Variants in CACNA2D1 observed in about 807,000 individuals in gnomAD.
The protein encoded by CACNA2D1 is voltage-dependent calcium channel subunit alpha-2/delta-1.
Under a neutral mutation model 171.5 loss-of-function variants are expected in CACNA2D1, and 53 were observed. The ratio of observed to expected loss-of-function variants is 0.31; its 90% CI spans 0.25 to 0.39. The LOEUF (loss-of-function observed/expected upper bound fraction) is 0.39. CACNA2D1 is among the 10% of genes least tolerant of loss of function. The pLI is 1.00. For missense variants in CACNA2D1, 903 were observed against 1,299.8 expected (o/e 0.69, Z 4.69); for synonymous variants, 442 against 443.1 (o/e 1.00, Z 0.03).
intron 4 of CACNA2D1, among the ~76,000 whole-genome samples, chr7:82,157,781 T>C (rs1462247368): frequency 2.0e-5 from 3 of 152,062 alleles, no homozygotes; most frequent in Admixed American, 2.0e-4. Context: ...CTCCTGAGTG[T>C]AACTAATGCT....
At chr7:82,134,733 T>C (rs1365222834) in intron 5 of CACNA2D1, among the ~76,000 whole-genome samples, 2 of 152,134 alleles carry the variant, frequency 1.3e-5, no homozygotes, top group East Asian at 3.9e-4. Context: ...GTTTAATAAG[T>C]TCACTTACAC....
At chr7:82,173,354 T>TGAAGTTATGTATACCAAA (rs1348048911) in intron 3 of CACNA2D1, among the ~76,000 whole-genome samples, 1 of 152,054 alleles carries the variant, frequency 6.6e-6, no homozygotes, top group Non-Finnish European at 1.5e-5. Flanking sequence ...AATAAAGGCA[T>TGAAGTTATGTATACCAAA]GAAGTTATGT....
chr7:82,081,772 C>T (rs760985261), intron 7 of CACNA2D1, among the ~76,000 whole-genome samples: 8 of 152,210 alleles, frequency 5.3e-5, no homozygotes, highest in Non-Finnish European at 1.5e-5. Flanking sequence ...ACCCCATCTA[C>T]TGTGCCTGCT....
At chr7:82,080,394 T>C (rs1275491172) in intron 7 of CACNA2D1, among the ~76,000 whole-genome samples, 3 of 152,134 alleles carry the variant, frequency 2.0e-5, no homozygotes, top group African/African-American at 7.2e-5. Flanking sequence ...TAAAATTCTA[T>C]ATATCTGGAC....
At chr7:82,030,105 G>A (rs1802491387) in intron 12 of CACNA2D1, 1 of 151,696 alleles carries the variant, frequency 6.6e-6, no homozygotes, top group Non-Finnish European at 1.5e-5. Flanking sequence ...GTCATGAAAT[G>A]CAACCTTTGT....
intron 5 of CACNA2D1, among the ~76,000 whole-genome samples, chr7:82,121,410 C>T (rs552089434): frequency 1.3e-5 from 2 of 152,086 alleles, no homozygotes; most frequent in African/African-American, 4.8e-5. Context: ...GAAGACTCAA[C>T]AGAATTGCAG....
chr7:82,142,953 T>G (rs969848305), intron 4 of CACNA2D1, among the ~76,000 whole-genome samples: 2 of 152,176 alleles, frequency 1.3e-5, no homozygotes, highest in East Asian at 1.9e-4. Flanking sequence ...CATTATCAAC[T>G]GTTGTACCTG....
chr7:82,035,674 T>C (rs1234139530), intron 11 of CACNA2D1, among the ~76,000 whole-genome samples: 1 of 152,036 alleles, frequency 6.6e-6, no homozygotes, highest in Admixed American at 6.5e-5. Flanking sequence ...TCCTGATCAT[T>C]TCACAACTGA....
intron 1 of CACNA2D1, among the ~76,000 whole-genome samples, chr7:82,393,929 C>G (rs1825488631): frequency 6.6e-6 from 1 of 152,026 alleles, no homozygotes; most frequent in Non-Finnish European, 1.5e-5. Flanking sequence ...CAGCAACAAC[C>G]CTTTGTTGAA....
At chr7:81,978,179 C>T (rs546882991) in intron 24 of CACNA2D1, among the ~76,000 whole-genome samples, 7 of 152,218 alleles carry the variant, frequency 4.6e-5, no homozygotes, top group African/African-American at 1.4e-4. Context: ...GACAGTGTGG[C>T]GATTCCTCAA....
intron 4 of CACNA2D1, among the ~76,000 whole-genome samples, chr7:82,137,637 C>T (rs542734203): frequency 6.8e-6 from 1 of 147,254 alleles, no homozygotes; most frequent in East Asian, 2.0e-4. Flanking sequence ...TTCGGGAGGC[C>T]GAGGTGGGTG....
At chr7:82,224,093 T>C (rs1802079624) in intron 3 of CACNA2D1, among the ~76,000 whole-genome samples, 1 of 152,082 alleles carries the variant, frequency 6.6e-6, no homozygotes, top group African/African-American at 2.4e-5. Flanking sequence ...TCAGCCTCAT[T>C]CCAGTCACTA....
intron 3 of CACNA2D1, among the ~76,000 whole-genome samples, chr7:82,322,241 C>T (rs1381490797): frequency 6.6e-6 from 1 of 151,110 alleles, no homozygotes; most frequent in Non-Finnish European, 1.5e-5. Context: ...ACTCCCTTGC[C>T]TTGGTGGCTT....
At chr7:82,059,258 A>C (rs1033668908) in intron 10 of CACNA2D1, among the ~76,000 whole-genome samples, 1 of 152,170 alleles carries the variant, frequency 6.6e-6, no homozygotes, top group Non-Finnish European at 1.5e-5. Context: ...TATTTTGCCT[A>C]AATTCTATGA....
At chr7:81,951,969 G>GGTTTTT (rs1554321624) in intron 38 of CACNA2D1, among the ~76,000 whole-genome samples, 1 of 71,906 alleles carries the variant, frequency 1.4e-5, no homozygotes, top group South Asian at 6.4e-4. Context: ...TGTACAAAGT[G>GGTTTTT]TTTTTTTTTT....
chr7:82,208,873 A>G (rs1477977334), intron 3 of CACNA2D1, among the ~76,000 whole-genome samples: 1 of 152,220 alleles, frequency 6.6e-6, no homozygotes, highest in Non-Finnish European at 1.5e-5. Flanking sequence ...GGTAATACAT[A>G]TCTTAACTAG....
chr7:82,073,462 G>C (rs145705823), intron 7 of CACNA2D1, among the ~76,000 whole-genome samples: 1 of 151,954 alleles, frequency 6.6e-6, no homozygotes, highest in Non-Finnish European at 1.5e-5. Context: ...TTTTTAAAAT[G>C]GCATATGCAA....
intron 1 of CACNA2D1, among the ~76,000 whole-genome samples, chr7:82,376,378 G>A (rs1823019378): frequency 1.3e-5 from 2 of 152,122 alleles, no homozygotes; most frequent in South Asian, 4.1e-4. Flanking sequence ...CATGATTTTA[G>A]ATATTGTCCT....
chr7:82,150,315 ACTT>A (rs1224391752), intron 4 of CACNA2D1, among the ~76,000 whole-genome samples: 22 of 133,896 alleles, frequency 1.6e-4, no homozygotes, highest in Admixed American at 5.4e-4. Flanking sequence ...GGGTTCATCT[ACTT>A]TTTTTTTCCC....
Sources: allele counts gnomAD v4.1 joint callset (sites outside exome capture counted in the v4.1 genomes callset), GRCh38; gene constraint gnomAD v4.1.1; transcripts MANE v1.5; gene names NCBI Gene and HGNC (gene_info 2026-07-23, HGNC 2026-07-21).